Variants in TKTL1 observed in about 807,000 individuals in gnomAD.
The protein encoded by TKTL1 is transketolase-like protein 1.
A neutral mutation model predicts 39.3 loss-of-function variants in TKTL1; 1 was observed. The ratio of observed to expected loss-of-function variants is 0.03; its 90% CI spans 0.01 to 0.12. The LOEUF (loss-of-function observed/expected upper bound fraction) is 0.12. Ranked by LOEUF, TKTL1 falls within the 10% of genes least tolerant of loss-of-function variation. The pLI is 1.00. For synonymous variants in TKTL1, 262 were observed against 193.8 expected, an observed-to-expected ratio of 1.35 and a Z score of -2.92; for missense variants, 575 against 509.6, an observed-to-expected ratio of 1.13 and a Z score of -1.24.
intron 7 of TKTL1, among the ~76,000 whole-genome samples, chrX:154,318,305 C>A (rs1256834739): frequency 1.8e-5 from 2 of 110,601 alleles, no homozygotes; most frequent in Admixed American, 1.9e-4. Flanking sequence ...CTTTAATACT[C>A]AAATCATGCC....
intron 9 of TKTL1, 34 bp downstream of exon 9, chrX:154,323,371 A>G (rs782141020): frequency 1.7e-6 from 2 of 1,203,952 alleles, no homozygotes; most frequent in African/African-American, 3.5e-5. Flanking sequence ...TCAGACAGAA[A>G]ATGCTTCTGG....
At chrX:154,325,988 C>T (rs2067490861) in intron 10 of TKTL1, among the ~76,000 whole-genome samples, 1 of 111,502 alleles carries the variant, frequency 9.0e-6, no homozygotes, top group South Asian at 3.7e-4. Context: ...GACCCTATCT[C>T]TAAAAACAAG....
intron 8 of TKTL1, among the ~76,000 whole-genome samples, chrX:154,322,433 G>A (rs1363057883): frequency 9.0e-6 from 1 of 110,897 alleles, no homozygotes; most frequent in East Asian, 2.8e-4. Flanking sequence ...TTGGGAGGCT[G>A]AGGCAGGAGA....
At chrX:154,306,145 T>TAA (rs34305192) in intron 2 of TKTL1, among the ~76,000 whole-genome samples, 9 of 101,126 alleles carry the variant, frequency 8.9e-5, no homozygotes, top group African/African-American at 2.9e-4. Flanking sequence ...CGTCTCCACT[T>TAA]AAAAAAAAAA....
At chrX:154,299,553 A>AC (rs1557165469) in intron 1 of TKTL1, among the ~76,000 whole-genome samples, 1 of 110,338 alleles carries the variant, frequency 9.1e-6, no homozygotes, top group Non-Finnish European at 1.9e-5. Context: ...ATTTTAGTGT[A>AC]CCCATCACCC....
chrX:154,325,059 G>GT (rs1210113601), intron 9 of TKTL1, among the ~76,000 whole-genome samples: 1 of 111,933 alleles, frequency 8.9e-6, no homozygotes, highest in Non-Finnish European at 1.9e-5. Context: ...TGCTCCTGCC[G>GT]TGAGTTAATG....
At chrX:154,312,491 C>T (rs782578939) in intron 5 of TKTL1, 89 bp from the exon 6 acceptor site, 61 of 970,042 alleles carry the variant, frequency 6.3e-5, no homozygotes, top group Non-Finnish European at 1.5e-5. Flanking sequence ...AGGGTGACAT[C>T]TTTTTCATCG....
Position 154,329,616 on chromosome X carries a change from G to A in TKTL1, c.1719G>A (p.Glu573=), listed in dbSNP as rs1472407174. The A allele has an allele frequency of 8.3e-7, 1 of 1,210,304 alleles. No homozygotes were observed. The highest frequency in any genetic ancestry group is 1.1e-6 in the Non-Finnish European group (1 of 895,225). Residue 573 remains glutamate (E), a synonymous_variant, in exon 13 of 13, where the codon GAG becomes GAA. Coordinates refer to ENST00000369915, the MANE Select transcript of TKTL1 (RefSeq NM_012253.4). ...VSGVPQSGKS[E]ELLDMYGISA... ...GAGTGCCCCAGAGTGGGAAGTCCGA[G>A]GAATTGCTGGATATGTATGGAATTA...
rs2067445842 is a variant in TKTL1 at position 154,321,002 on chromosome X, A to C, written c.1186+89A>C. ...GATTGGTTAAACCACGAATTTCCTT[A>C]TGGTTCCATGAAGTTTGATTATTCA... On this transcript the variant is annotated intron_variant, in intron 8 of 12. Transcript: ENST00000369915. 3 of 1,008,481 alleles carry C rather than the reference A, an allele frequency of 3.0e-6. No individual in the cohort carries two copies. The South Asian group carries it at 6.1e-5, about 21-fold the overall frequency. 83.1% of individuals were successfully genotyped at this position (1,008,481 alleles called of 1,213,427 possible). A position where few individuals can be genotyped will look rare whatever the true frequency, so the allele number is the denominator to read the frequency against.
intron 9 of TKTL1, 91 bp from the exon 10 acceptor site, chrX:154,325,248 C>T: frequency 5.8e-6 from 5 of 864,494 alleles, no homozygotes; most frequent in Middle Eastern, 2.8e-4. Flanking sequence ...AAAGAGCTGT[C>T]CTCTTCACAC....
chrX:154,305,232 A>G (rs782186207), intron 1 of TKTL1, 72 bp from the exon 2 acceptor site: 2 of 1,185,631 alleles, frequency 1.7e-6, no homozygotes, highest in Middle Eastern at 2.4e-4. Flanking sequence ...CTATGAGGAG[A>G]CCATGTGCCG....
chrX:154,309,273 C>G, intron 2 of TKTL1, 72 bp from the exon 3 acceptor site: 1 of 912,177 alleles, frequency 1.1e-6, no homozygotes, highest in Admixed American at 2.2e-5. Context: ...GCAGCCTGCA[C>G]TCAGTGCGTG....
In TKTL1 at chrX:154,329,776, T is replaced by C; in HGVS notation, c.*88T>C. 9.3e-7 allele frequency: 1 copy of C among 1,078,308 alleles called. No individual in the cohort carries two copies. Among genetic ancestry groups the C allele is most frequent in the Non-Finnish European group, 1.3e-6 (1 of 795,812 alleles). 88.9% of individuals were successfully genotyped at this position (1,078,308 alleles called of 1,213,427 possible). On this transcript the variant is annotated 3_prime_UTR_variant, in exon 13 of 13. Coordinates refer to ENST00000369915, the MANE Select transcript of TKTL1 (RefSeq NM_012253.4). ...TCATTTAAATCTCTACTGTCACATT[T>C]TGTTTCTTAAAAGCAAAGCCAGCTA...
At chrX:154,311,303 G>C (rs868921659) in intron 5 of TKTL1, 65 bp downstream of exon 5, 1 of 1,194,979 alleles carries the variant, frequency 8.4e-7, no homozygotes. Flanking sequence ...CAGCAGAGGC[G>C]GGAGAGGCTT....
At chrX:154,298,127 T>TC (rs782727916) in intron 1 of TKTL1, among the ~76,000 whole-genome samples, 197 of 111,828 alleles carry the variant, frequency 1.8e-3, no homozygotes, top group African/African-American at 6.2e-3. Flanking sequence ...TGTAGGTTAG[T>TC]CCATTTGTTG....
chrX:154,299,061 C>G (rs1240157248), intron 1 of TKTL1, among the ~76,000 whole-genome samples: 1 of 109,435 alleles, frequency 9.1e-6, no homozygotes, highest in Non-Finnish European at 1.9e-5. Context: ...TCCCACTTGG[C>G]ACTGCTTTTG....
intron 1 of TKTL1, among the ~76,000 whole-genome samples, chrX:154,299,117 T>A (rs1478264147): frequency 2.7e-5 from 3 of 109,530 alleles, no homozygotes; most frequent in Non-Finnish European, 5.7e-5. Flanking sequence ...TTTTCATTTG[T>A]CTCTAAGGGA....
At chrX:154,296,219 G>C (rs1603350182) in intron 1 of TKTL1, among the ~76,000 whole-genome samples, 1 of 111,286 alleles carries the variant, frequency 9.0e-6, no homozygotes, top group South Asian at 3.8e-4. Flanking sequence ...TCAGCCGCGG[G>C]TTCTGGAGCC....
intron 1 of TKTL1, among the ~76,000 whole-genome samples, chrX:154,302,000 C>T (rs2067277479): frequency 9.1e-6 from 1 of 109,692 alleles, no homozygotes; most frequent in African/African-American, 3.3e-5. Flanking sequence ...CTGAAACTGT[C>T]AGGATCATGT....
Sources: gnomAD v4.1 joint callset for allele counts (sites outside exome capture counted in the v4.1 genomes callset) on GRCh38, gnomAD v4.1.1 for gene constraint, MANE v1.5 for transcripts, NCBI Gene and HGNC (gene_info 2026-07-23, HGNC 2026-07-21) for gene names.